The following RIPOR2 variants were observed in gnomAD, a reference collection of about 807,000 sequenced individuals.
The protein encoded by RIPOR2 is rho family-interacting cell polarization regulator 2.
RIPOR2 carries 39 observed loss-of-function variants against 114.5 expected under a neutral mutation model. The observed-to-expected ratio is 0.34, with a 90% CI of 0.26 to 0.44. RIPOR2 has a LOEUF of 0.44. Ranked by LOEUF, RIPOR2 falls within the 20% of genes least tolerant of loss-of-function variation. The pLI is 1.00. For missense variants in RIPOR2, 1,007 were observed against 1,255.1 expected, an observed-to-expected ratio of 0.80 and a Z score of 2.99; for synonymous variants, 445 against 484.4, an observed-to-expected ratio of 0.92 and a Z score of 1.07.
chr6:24,881,176 A>C (rs1766321421), intron 1 of RIPOR2, among the ~76,000 whole-genome samples: 1 of 152,264 alleles, frequency 6.6e-6, no homozygotes, highest in Middle Eastern at 3.4e-3. Flanking sequence ...CCCGGGAGGC[A>C]GAGGTTGCAG....
intron 1 of RIPOR2, among the ~76,000 whole-genome samples, chr6:24,890,974 T>G (rs897887886): frequency 6.6e-6 from 1 of 152,164 alleles, no homozygotes; most frequent in Admixed American, 6.5e-5. Flanking sequence ...AAAAATTACC[T>G]TGGTCTTTCT....
chr6:24,822,150 A>G lies in RIPOR2; in HGVS notation c.2868+3076T>C, dbSNP rs1759759920. ...CAGAGAAATGGGCAGGGGAAAATAG[A>G]GAGGAGTCTTGTGCTGAAGTTCATC... On this transcript the variant is annotated intron_variant, in intron 19 of 21. Coordinates refer to ENST00000643898, the MANE Select transcript of RIPOR2 (RefSeq NM_001286445.3). Among the ~76,000 whole-genome samples, 2 of 152,206 alleles carry G rather than the reference A, an allele frequency of 1.3e-5. 1 individual carries two copies. Among genetic ancestry groups the G allele is most frequent in the Non-Finnish European group, 2.9e-5 (2 of 68,042 alleles).
chr6:24,952,530 C>G (rs6907920), intron 1 of RIPOR2, among the ~76,000 whole-genome samples: 19,815 of 152,172 alleles, frequency 0.13, 2,855 homozygotes, highest in African/African-American at 0.35. Flanking sequence ...AAGAGATGCA[C>G]AGTAGCACAC....
chr6:24,973,707 T>C (rs2113555242), intron 1 of RIPOR2, among the ~76,000 whole-genome samples: 2 of 152,086 alleles, frequency 1.3e-5, no homozygotes, highest in Middle Eastern at 6.8e-3. Context: ...TGCCCATCAA[T>C]GGTGGACTGA....
At chr6:24,890,895 C>T (rs1767287397) in intron 1 of RIPOR2, among the ~76,000 whole-genome samples, 1 of 152,018 alleles carries the variant, frequency 6.6e-6, no homozygotes, top group Non-Finnish European at 1.5e-5. Context: ...GCTCAAGAGA[C>T]CCTACTGCCC....
At chr6:25,017,821 C>T (rs1165900066) in intron 1 of RIPOR2, among the ~76,000 whole-genome samples, 1 of 152,222 alleles carries the variant, frequency 6.6e-6, no homozygotes, top group Non-Finnish European at 1.5e-5. Context: ...GACCCTGGCA[C>T]AGCCCAGTGG....
At chr6:24,925,153 T>TA (rs11457186) in intron 1 of RIPOR2, among the ~76,000 whole-genome samples, 4,660 of 152,322 alleles carry the variant, frequency 0.031, 208 homozygotes, top group African/African-American at 0.1. Context: ...GGCCATGACT[T>TA]ATCCGTTTCT....
chr6:24,871,634 T>C (rs937867249), intron 4 of RIPOR2, among the ~76,000 whole-genome samples: 8 of 152,336 alleles, frequency 5.3e-5, no homozygotes, highest in Middle Eastern at 3.4e-3. Context: ...ATTACAGGTG[T>C]GAGCCACCAC....
chr6:24,978,311 G>A (rs1774159903), intron 1 of RIPOR2, among the ~76,000 whole-genome samples: 1 of 152,032 alleles, frequency 6.6e-6, no homozygotes, highest in Admixed American at 6.6e-5. Context: ...CAATGTGAGA[G>A]TGCTTTCAAG....
chr6:24,906,936 G>A (rs1221209923), intron 1 of RIPOR2, among the ~76,000 whole-genome samples: 2 of 152,100 alleles, frequency 1.3e-5, no homozygotes, highest in Non-Finnish European at 2.9e-5. Flanking sequence ...ACCGTGCCCA[G>A]CCAATATGTT....
intron 1 of RIPOR2, among the ~76,000 whole-genome samples, chr6:24,895,515 C>T (rs1767777937): frequency 6.6e-6 from 1 of 152,046 alleles, no homozygotes; most frequent in African/African-American, 2.4e-5. Flanking sequence ...CATTTGCCTC[C>T]CATCCTTTTA....
At chr6:24,902,475 C>G (rs1768567910) in intron 1 of RIPOR2, among the ~76,000 whole-genome samples, 1 of 152,180 alleles carries the variant, frequency 6.6e-6, no homozygotes, top group Admixed American at 6.5e-5. Context: ...CCTCAGCCTC[C>G]CAAAGTGTAG....
intron 1 of RIPOR2, among the ~76,000 whole-genome samples, chr6:25,025,030 T>C (rs1268999432): frequency 6.6e-6 from 1 of 152,202 alleles, no homozygotes; most frequent in Non-Finnish European, 1.5e-5. Context: ...TAATCAGACA[T>C]GTGGGGCCAT....
intron 1 of RIPOR2, among the ~76,000 whole-genome samples, chr6:25,010,397 C>T (rs1314837860): frequency 2.0e-5 from 3 of 152,146 alleles, no homozygotes; most frequent in Non-Finnish European, 4.4e-5. Flanking sequence ...TGGAAGCAGT[C>T]TGACGCCTTC....
At chr6:24,915,783 A>G (rs1363348702) in intron 1 of RIPOR2, among the ~76,000 whole-genome samples, 1 of 152,204 alleles carries the variant, frequency 6.6e-6, no homozygotes, top group Non-Finnish European at 1.5e-5. Context: ...TAACAAGCAC[A>G]CTGATGGTTC....
intron 4 of RIPOR2, 43 bp downstream of exon 4, chr6:24,872,837 TA>T: frequency 7.4e-7 from 1 of 1,347,682 alleles, no homozygotes; most frequent in East Asian, 2.3e-5. Flanking sequence ...GCTATTTGGC[TA>T]AAAAGAACAG....
chr6:24,916,073 C>T (rs1322563345), intron 1 of RIPOR2, among the ~76,000 whole-genome samples: 2 of 152,216 alleles, frequency 1.3e-5, no homozygotes, highest in East Asian at 3.8e-4. Context: ...ATCTATCAAA[C>T]GAAGGGTTTG....
chr6:24,941,375 GAA>G (rs75044779), intron 1 of RIPOR2, among the ~76,000 whole-genome samples: 8,653 of 140,902 alleles, frequency 0.061, 298 homozygotes, highest in East Asian at 0.12. Flanking sequence ...ACTAGAAACA[GAA>G]AAAAAAAAAA....
chr6:24,852,758 G>C (rs920381505), intron 8 of RIPOR2, 140 bp from the exon 9 acceptor site: 1 of 555,588 alleles, frequency 1.8e-6, no homozygotes, highest in Admixed American at 3.6e-5. Flanking sequence ...GCCATTCCTG[G>C]GGAACAGCTG....
Sources: allele counts gnomAD v4.1 joint callset (sites outside exome capture counted in the v4.1 genomes callset), GRCh38; gene constraint gnomAD v4.1.1; transcripts MANE v1.5; gene names NCBI Gene and HGNC (gene_info 2026-07-23, HGNC 2026-07-21).